CDH13: variants seen among roughly 807,000 people sequenced by gnomAD.
CDH13 encodes cadherin 13.
A neutral mutation model predicts 63.8 loss-of-function variants in CDH13; 24 were observed. The ratio of observed to expected loss-of-function variants is 0.38; its 90% CI spans 0.27 to 0.53. CDH13 has a LOEUF of 0.53. Ranked by LOEUF, CDH13 falls within the 20% of genes least tolerant of loss-of-function variation. CDH13 has a pLI of 0.85. For synonymous variants in CDH13, 503 were observed against 355.3 expected (o/e 1.42, Z -4.67); for missense variants, 1,049 against 903.1 (o/e 1.16, Z -2.07).
intron 2 of CDH13, among the ~76,000 whole-genome samples, chr16:82,998,845 G>GTAA (rs1567730103): frequency 1.4e-5 from 2 of 141,600 alleles, no homozygotes; most frequent in African/African-American, 5.4e-5. Flanking sequence ...ACGCTGCCAT[G>GTAA]TAATTTCCCC....
At chr16:83,205,023 T>A (rs2151770590) in intron 4 of CDH13, among the ~76,000 whole-genome samples, 1 of 152,330 alleles carries the variant, frequency 6.6e-6, no homozygotes, top group Admixed American at 6.5e-5. Context: ...CACTGCTGTG[T>A]GCCCAGAAGG....
chr16:82,949,625 C>T (rs1321575953), intron 2 of CDH13, among the ~76,000 whole-genome samples: 1 of 152,050 alleles, frequency 6.6e-6, no homozygotes, highest in Non-Finnish European at 1.5e-5. Context: ...AACTTATTTG[C>T]CTTTAAGAGC....
intron 6 of CDH13, among the ~76,000 whole-genome samples, chr16:83,460,592 A>C (rs758648816): frequency 3.3e-5 from 5 of 152,216 alleles, no homozygotes; most frequent in African/African-American, 7.2e-5. Context: ...AGAAAAATAC[A>C]AACAGATGAT....
At chr16:82,998,042 C>T (rs74377800) in intron 2 of CDH13, among the ~76,000 whole-genome samples, 1 of 152,154 alleles carries the variant, frequency 6.6e-6, no homozygotes, top group African/African-American at 2.4e-5. Context: ...TGAGCACTCA[C>T]AGTCATGGTC....
chr16:83,217,269 C>T, intron 4 of CDH13, 76 bp from the exon 5 acceptor site: 12 of 1,471,270 alleles, frequency 8.2e-6, no homozygotes, highest in Non-Finnish European at 1.0e-5. Flanking sequence ...GTGAATTGCT[C>T]ATGGGAGTAT....
chr16:83,065,773 A>G (rs1432759976), intron 3 of CDH13, among the ~76,000 whole-genome samples: 2 of 150,960 alleles, frequency 1.3e-5, no homozygotes, highest in African/African-American at 4.9e-5. Flanking sequence ...CGCTCTTTGG[A>G]TGTGTTGCTG....
At chr16:83,783,200 T>C in intron 12 of CDH13, 54 bp from the exon 13 acceptor site, 1 of 1,278,578 alleles carries the variant, frequency 7.8e-7, no homozygotes, top group African/African-American at 1.5e-5. Flanking sequence ...AACCTCACTC[T>C]TTTATTGGAA....
intron 2 of CDH13, among the ~76,000 whole-genome samples, chr16:82,860,166 T>C (rs989525826): frequency 5.3e-5 from 8 of 152,166 alleles, no homozygotes; most frequent in Non-Finnish European, 1.0e-4. Context: ...ATGGCATCTA[T>C]GTTAACATGC....
chr16:83,466,063 G>A (rs915774801), intron 6 of CDH13, among the ~76,000 whole-genome samples: 3 of 152,122 alleles, frequency 2.0e-5, no homozygotes, highest in African/African-American at 7.2e-5. Flanking sequence ...GTGGTCTCTC[G>A]AGGCAGGACC....
intron 5 of CDH13, among the ~76,000 whole-genome samples, chr16:83,241,335 T>C (rs1904426202): frequency 6.6e-6 from 1 of 152,250 alleles, no homozygotes; most frequent in Admixed American, 6.5e-5. Flanking sequence ...TCAAATTCTT[T>C]CAGATATGTA....
At chr16:82,651,089 G>A (rs954219415) in intron 1 of CDH13, among the ~76,000 whole-genome samples, 18 of 152,168 alleles carry the variant, frequency 1.2e-4, no homozygotes, top group Admixed American at 1.0e-3. Flanking sequence ...AAGACTATCA[G>A]TTTGAAGTTG....
chr16:83,599,290 C>T (rs887171458), intron 7 of CDH13, among the ~76,000 whole-genome samples: 1 of 152,210 alleles, frequency 6.6e-6, no homozygotes, highest in African/African-American at 2.4e-5. Flanking sequence ...CATAGAGTCA[C>T]CCTAGTCTCC....
Position 82,761,017 on chromosome 16 carries a change from CTTTTTTTTTTTT to C in CDH13, c.46-97327_46-97316del, listed in dbSNP as rs35038319. 5.4e-3 allele frequency among the ~76,000 whole-genome samples: 220 copies of C among 40,486 alleles called. 3 individuals carry two copies. Among genetic ancestry groups the C allele is most frequent in the African/African-American group, 0.017 (195 of 11,228 alleles). 26.6% of individuals were successfully genotyped at this position (40,486 alleles called of 152,430 possible). A position where few individuals can be genotyped will look rare whatever the true frequency, so the allele number is the denominator to read the frequency against. On this transcript the variant is annotated intron_variant, in intron 1 of 13. Coordinates refer to ENST00000567109, the MANE Select transcript of CDH13 (RefSeq NM_001257.5). ...CTCTGGGGTTCACATTTCTTTCTTTCTTTTTTTTTTTTTTTTTTTTTTTTTTTTTGGAGTCTC... is the reference window on the plus strand; with the variant it reads ...CTCTGGGGTTCACATTTCTTTCTTTCTTTTTTTTTTTTTTTTTGGAGTCTC...
intron 4 of CDH13, among the ~76,000 whole-genome samples, chr16:83,196,412 C>T (rs1199237881): frequency 6.6e-6 from 1 of 151,768 alleles, no homozygotes; most frequent in Non-Finnish European, 1.5e-5. Context: ...AGGTGTGAAC[C>T]CTAAAATGAA....
chr16:82,657,207 T>C (rs1252246463), intron 1 of CDH13, among the ~76,000 whole-genome samples: 2 of 152,298 alleles, frequency 1.3e-5, no homozygotes, highest in East Asian at 3.9e-4. Flanking sequence ...TGATAAAGTT[T>C]AATTTATAAA....
At chr16:82,904,905 C>T (rs552091032) in intron 2 of CDH13, among the ~76,000 whole-genome samples, 1 of 152,262 alleles carries the variant, frequency 6.6e-6, no homozygotes, top group South Asian at 2.1e-4. Flanking sequence ...CCTAAATGAA[C>T]CTAGGTTTCT....
intron 7 of CDH13, among the ~76,000 whole-genome samples, chr16:83,586,038 C>T (rs148653897): frequency 1.3e-5 from 2 of 152,272 alleles, no homozygotes; most frequent in African/African-American, 2.4e-5. Context: ...TGTTGAAGAC[C>T]AACTAAGGTA....
chr16:83,238,704 A>G (rs1904286814), intron 5 of CDH13, among the ~76,000 whole-genome samples: 1 of 151,634 alleles, frequency 6.6e-6, no homozygotes, highest in Non-Finnish European at 1.5e-5. Context: ...CAAATCTTTC[A>G]GAAATAACAT....
chr16:83,530,381 C>T (rs1190532191), intron 7 of CDH13, among the ~76,000 whole-genome samples: 4 of 152,184 alleles, frequency 2.6e-5, no homozygotes, highest in Non-Finnish European at 4.4e-5. Flanking sequence ...CTTACACATT[C>T]AGATGGCATT....
Sources: allele counts gnomAD v4.1 joint callset (sites outside exome capture counted in the v4.1 genomes callset), GRCh38; gene constraint gnomAD v4.1.1; transcripts MANE v1.5; gene names NCBI Gene and HGNC (gene_info 2026-07-23, HGNC 2026-07-21).